The following STPG2 variants were observed in gnomAD, a reference collection of about 807,000 sequenced individuals.
STPG2 encodes sperm tail PG-rich repeat containing 2.
A neutral mutation model predicts 54.2 loss-of-function variants in STPG2; 56 were observed. The ratio of observed to expected loss-of-function variants is 1.03; its 90% CI spans 0.83 to 1.29. The LOEUF (loss-of-function observed/expected upper bound fraction) is 1.29, where lower values mean the gene tolerates loss of function less well. Ranked by LOEUF, STPG2 falls within the 50% of genes most tolerant of loss-of-function variation. The probability of loss-of-function intolerance (pLI) is 0.00; values close to 1 mark genes in which losing one functional copy is unlikely to be tolerated. For missense variants in STPG2, 596 were observed against 544.9 expected, an observed-to-expected ratio of 1.09 and a Z score of -0.93; for synonymous variants, 200 against 181.8, an observed-to-expected ratio of 1.10 and a Z score of -0.81.
At chr4:97,880,203 A>G (rs914976773) in intron 8 of STPG2, among the ~76,000 whole-genome samples, 2 of 152,224 alleles carry the variant, frequency 1.3e-5, no homozygotes, top group South Asian at 2.1e-4. Flanking sequence ...CAGAAACAGA[A>G]AGACAAATAA....
chr4:98,132,295 T>C (rs1393874130), intron 2 of STPG2, among the ~76,000 whole-genome samples: 1 of 150,688 alleles, frequency 6.6e-6, no homozygotes, highest in Non-Finnish European at 1.5e-5. Context: ...AACTAAAGTT[T>C]ATTTACTTAT....
chr4:97,443,558 C>T lies in STPG2; in HGVS notation c.463-255725G>A, dbSNP rs571392920. ...AAGGGACTCTAGTTAATATCTCTGA[C>T]TTCCTATTATTAGAATAAGAGAAGG... On this transcript the variant is annotated intron_variant, in intron 4 of 4. Coordinates refer to the STPG2 transcript ENST00000522676. Among the ~76,000 whole-genome samples the T allele has an allele frequency of 4.7e-4, 71 of 152,204 alleles. No homozygotes were observed. In the South Asian group the frequency reaches 0.014, roughly 31 times the overall value.
chr4:98,055,533 A>T (rs895356593), intron 5 of STPG2, among the ~76,000 whole-genome samples: 1 of 152,136 alleles, frequency 6.6e-6, no homozygotes, highest in East Asian at 1.9e-4. Context: ...CACTCTCACC[A>T]TGGGCCTTTG....
chr4:97,862,592 A>G lies in STPG2; in HGVS notation c.1045-21660T>C, dbSNP rs192313199. 2.0e-3 allele frequency among the ~76,000 whole-genome samples: 311 copies of G among 152,242 alleles called. 5 individuals are homozygous for G. Among genetic ancestry groups the G allele is most frequent in the Admixed American group, 0.013 (205 of 15,280 alleles). The stretch of plus-strand genomic sequence containing the variant: ...AATTGAATTCAGCTCTGCACCAAGC[A>G]GACCTAATAGACATCTGCAGAACGG... On this transcript the variant is annotated intron_variant, in intron 8 of 10. Transcript: ENST00000295268.
intron 9 of STPG2, among the ~76,000 whole-genome samples, chr4:97,769,793 C>G (rs1417029359): frequency 6.6e-6 from 1 of 152,052 alleles, no homozygotes; most frequent in African/African-American, 2.4e-5. Flanking sequence ...TATGTATAGA[C>G]AGCATCTACC....
chr4:98,143,283 G>A lies in STPG2; in HGVS notation c.-133C>T, dbSNP rs555734986. On this transcript the variant is annotated 5_prime_UTR_variant, in exon 1 of 11. Transcript: ENST00000295268. The stretch of plus-strand genomic sequence containing the variant: ...CCGGGAAAGAACTTCCGTAAACAGG[G>A]AAATTAGGGGTGGGGTTGTCTCCCC... The A allele has an allele frequency of 6.3e-3, 4,030 of 635,794 alleles. 44 individuals are homozygous for A. The highest frequency in any genetic ancestry group is 0.03 in the South Asian group (1,499 of 50,512). 39.4% of individuals were successfully genotyped at this position (635,794 alleles called of 1,614,324 possible).
At chr4:97,720,524 TATC>T (rs976120709) in intron 9 of STPG2, among the ~76,000 whole-genome samples, 3 of 151,962 alleles carry the variant, frequency 2.0e-5, no homozygotes, top group African/African-American at 7.2e-5. Context: ...GCCAAACAAA[TATC>T]ATATTAATCA....
intron 10 of STPG2, among the ~76,000 whole-genome samples, chr4:97,565,335 C>T (rs962860474): frequency 7.2e-5 from 11 of 152,144 alleles, no homozygotes; most frequent in African/African-American, 1.7e-4. Flanking sequence ...ATACATTCAT[C>T]GAAATTTTTT....
intron 5 of STPG2, among the ~76,000 whole-genome samples, chr4:98,015,909 G>C (rs554585685): frequency 5.9e-5 from 9 of 152,218 alleles, no homozygotes; most frequent in African/African-American, 2.2e-4. Context: ...CCTTTGCAGG[G>C]ACATGGATGA....
chr4:97,823,784 C>G (rs1039507266), intron 9 of STPG2, among the ~76,000 whole-genome samples: 2 of 152,000 alleles, frequency 1.3e-5, no homozygotes, highest in Non-Finnish European at 2.9e-5. Context: ...ATGAATTTAC[C>G]CAGGTAAAAG....
At chr4:98,092,125 A>C (rs1286449980) in intron 5 of STPG2, among the ~76,000 whole-genome samples, 1 of 152,096 alleles carries the variant, frequency 6.6e-6, no homozygotes, top group African/African-American at 2.4e-5. Context: ...ATTATTGTTT[A>C]AGCAATAACT....
chr4:97,712,356 T>C (rs1052661672), intron 10 of STPG2, among the ~76,000 whole-genome samples: 1 of 152,264 alleles, frequency 6.6e-6, no homozygotes, highest in African/African-American at 2.4e-5. Flanking sequence ...AGCTCTCTGA[T>C]AAATAATTAT....
chr4:97,705,304 T>A (rs1454677552), intron 10 of STPG2, among the ~76,000 whole-genome samples: 1 of 151,464 alleles, frequency 6.6e-6, no homozygotes, highest in East Asian at 1.9e-4. Flanking sequence ...TTCTGAAGTC[T>A]TACTCCCTTT....
At chr4:98,111,596 C>T (rs1739348827) in intron 3 of STPG2, among the ~76,000 whole-genome samples, 1 of 152,084 alleles carries the variant, frequency 6.6e-6, no homozygotes, top group Non-Finnish European at 1.5e-5. Context: ...ATTAACTTTC[C>T]CTTCTACATC....
chr4:97,564,005 G>A (rs1732341975), intron 10 of STPG2, among the ~76,000 whole-genome samples: 2 of 152,084 alleles, frequency 1.3e-5, no homozygotes, highest in South Asian at 4.1e-4. Flanking sequence ...CTTTCTGTCT[G>A]TTGATCTGTC....
intron 7 of STPG2, among the ~76,000 whole-genome samples, chr4:97,951,514 C>A (rs1004844695): frequency 1.3e-5 from 2 of 151,856 alleles, no homozygotes; most frequent in African/African-American, 2.4e-5. Flanking sequence ...CTTTTTCCCC[C>A]CTTAAGACTG....
At position 97,694,836 on chromosome 4, in the gene STPG2, A is replaced by C. The variant is rs1426207231; in HGVS notation, c.1320+17863T>G. ...ACAAAAAAAAAAAAAAAAAAAAAAA[A>C]AAAAAAAAAAAAAAATTAGCAACAA... On this transcript the variant is annotated intron_variant, in intron 10 of 10. Coordinates refer to ENST00000295268, the MANE Select transcript of STPG2 (RefSeq NM_174952.3). Among the ~76,000 whole-genome samples the C allele has an allele frequency of 1.0e-4, 15 of 146,364 alleles. 1 individual carries two copies. Among genetic ancestry groups the C allele is most frequent in the African/African-American group, 3.6e-4 (14 of 38,708 alleles).
chr4:97,749,897 T>C (rs1310001466), intron 9 of STPG2, among the ~76,000 whole-genome samples: 2 of 151,798 alleles, frequency 1.3e-5, no homozygotes, highest in African/African-American at 4.8e-5. Flanking sequence ...GATTTATTTC[T>C]GAGAATCTTG....
intron 7 of STPG2, among the ~76,000 whole-genome samples, chr4:97,949,566 T>C (rs1421588519): frequency 6.6e-6 from 1 of 152,182 alleles, no homozygotes; most frequent in Non-Finnish European, 1.5e-5. Flanking sequence ...TTTCAAGATT[T>C]AGACTCCTTT....
Sources: gnomAD v4.1 joint callset for allele counts (sites outside exome capture counted in the v4.1 genomes callset) on GRCh38, gnomAD v4.1.1 for gene constraint, MANE v1.5 for transcripts, NCBI Gene and HGNC (gene_info 2026-07-23, HGNC 2026-07-21) for gene names.